VGLL4: variants seen among roughly 807,000 people sequenced by gnomAD.
VGLL4 encodes transcription cofactor vestigial-like protein 4.
VGLL4 carries 7 observed loss-of-function variants against 21.0 expected under a neutral mutation model. That is an observed-to-expected ratio of 0.33 (90% CI 0.19 to 0.63). VGLL4 has a LOEUF of 0.63. VGLL4 is among the 20% of genes least tolerant of loss of function. The pLI is 0.78. For missense variants in VGLL4, 394 were observed against 425.7 expected (o/e 0.93, Z 0.66); for synonymous variants, 222 against 173.2 (o/e 1.28, Z -2.21).
At chr3:11,617,297 G>A (rs1260573579) in intron 1 of VGLL4, among the ~76,000 whole-genome samples, 1 of 152,186 alleles carries the variant, frequency 6.6e-6, no homozygotes, top group African/African-American at 2.4e-5. Context: ...AGAACAACGG[G>A]TTTGTTTCCT....
At chr3:11,684,425 G>A (rs1450200982) in intron 2 of VGLL4, among the ~76,000 whole-genome samples, 2 of 151,810 alleles carry the variant, frequency 1.3e-5, no homozygotes, top group African/African-American at 4.8e-5. Flanking sequence ...TTGTCACCCA[G>A]GCTGGAATGC....
At chr3:11,563,403 G>C (rs776022339) in intron 3 of VGLL4, among the ~76,000 whole-genome samples, 19 of 152,254 alleles carry the variant, frequency 1.2e-4, no homozygotes, top group Non-Finnish European at 2.1e-4. Context: ...GGGGAGCAGT[G>C]AGCGGGTCCC....
chr3:11,707,677 G>A (rs1373802997), intron 1 of VGLL4, among the ~76,000 whole-genome samples: 2 of 152,004 alleles, frequency 1.3e-5, no homozygotes, highest in East Asian at 1.9e-4. Context: ...CAGAAATTTG[G>A]AAATTTACTC....
upstream of VGLL4, among the ~76,000 whole-genome samples, chr3:11,645,005 C>G (rs572488527): frequency 6.6e-6 from 1 of 151,186 alleles, no homozygotes; most frequent in African/African-American, 2.4e-5. Flanking sequence ...TGTATGTCAC[C>G]CACCTGTGTG....
chr3:11,700,053 C>A (rs770191527), intron 2 of VGLL4, among the ~76,000 whole-genome samples: 1 of 152,132 alleles, frequency 6.6e-6, no homozygotes, highest in African/African-American at 2.4e-5. Context: ...CTTGTCCCCA[C>A]TTCTATACAT....
chr3:11,699,234 T>C (rs557488305), intron 2 of VGLL4, among the ~76,000 whole-genome samples: 1 of 152,354 alleles, frequency 6.6e-6, no homozygotes, highest in Non-Finnish European at 1.5e-5. Flanking sequence ...TGTCTATAAA[T>C]TGTATGACTT....
At chr3:11,592,278 T>C (rs976745389) in intron 2 of VGLL4, among the ~76,000 whole-genome samples, 27 of 152,344 alleles carry the variant, frequency 1.8e-4, no homozygotes, top group African/African-American at 6.3e-4. Flanking sequence ...GGGCCACAGA[T>C]TTTAAACAAG....
chr3:11,668,952 T>C (rs1450679120), intron 2 of VGLL4, among the ~76,000 whole-genome samples: 1 of 152,168 alleles, frequency 6.6e-6, no homozygotes, highest in African/African-American at 2.4e-5. Flanking sequence ...TCAAACTCAA[T>C]ACCAACCAGG....
intron 2 of VGLL4, among the ~76,000 whole-genome samples, chr3:11,575,906 C>T (rs1159646035): frequency 6.6e-6 from 1 of 152,144 alleles, no homozygotes; most frequent in African/African-American, 2.4e-5. Context: ...TCTAGAGAGG[C>T]GGGACTCACG....
chr3:11,593,386 C>T (rs1021503928), intron 2 of VGLL4, among the ~76,000 whole-genome samples: 1 of 152,210 alleles, frequency 6.6e-6, no homozygotes. Flanking sequence ...GGAAAACCCC[C>T]AATCCCATTT....
At chr3:11,671,349 C>T (rs1559936179) in intron 2 of VGLL4, 1 of 1,234,804 alleles carries the variant, frequency 8.1e-7, no homozygotes, top group South Asian at 1.2e-5. Context: ...ATCAGTTCCG[C>T]AGCGAGGACT....
At chr3:11,621,465 G>A in intron 1 of VGLL4, among the ~76,000 whole-genome samples, 1 of 151,944 alleles carries the variant, frequency 6.6e-6, no homozygotes, top group Admixed American at 6.5e-5. Context: ...CACTCATAAT[G>A]TTTTAAAAGT....
At chr3:11,614,116 T>A (rs1438346507) in intron 1 of VGLL4, among the ~76,000 whole-genome samples, 1 of 152,172 alleles carries the variant, frequency 6.6e-6, no homozygotes, top group Non-Finnish European at 1.5e-5. Flanking sequence ...CCACACACAC[T>A]CTGGACTTAC....
At chr3:11,709,435 T>TCAAAAAAAAAAAAA (rs1228813940) in intron 1 of VGLL4, among the ~76,000 whole-genome samples, 3 of 108,858 alleles carry the variant, frequency 2.8e-5, no homozygotes, top group African/African-American at 1.0e-4. Context: ...AGACTCCGTC[T>TCAAAAAAAAAAAAA]AAAAAAAAAA....
At chr3:11,711,346 CGGCT>C in intron 1 of VGLL4, among the ~76,000 whole-genome samples, 1 of 151,808 alleles carries the variant, frequency 6.6e-6, no homozygotes, top group South Asian at 2.1e-4. Flanking sequence ...GAGACCATCC[CGGCT>C]AACATGGTGA....
At chr3:11,621,686 T>G (rs778731985) in intron 1 of VGLL4, among the ~76,000 whole-genome samples, 2 of 152,150 alleles carry the variant, frequency 1.3e-5, no homozygotes, top group African/African-American at 4.8e-5. Context: ...TACCTAGGAG[T>G]AGAATTGCTG....
intron 1 of VGLL4, among the ~76,000 whole-genome samples, chr3:11,628,256 T>C (rs2075396498): frequency 1.3e-5 from 2 of 151,756 alleles, no homozygotes; most frequent in South Asian, 4.2e-4. Context: ...AGCATGGTGG[T>C]GCATGCCTGT....
At chr3:11,702,238 T>A (rs757809469) in intron 2 of VGLL4, among the ~76,000 whole-genome samples, 1 of 152,136 alleles carries the variant, frequency 6.6e-6, no homozygotes, top group African/African-American at 2.4e-5. Flanking sequence ...AGTATCTTCA[T>A]TCCAGATCAC....
intron 1 of VGLL4, among the ~76,000 whole-genome samples, chr3:11,713,570 A>C (rs1198016133): frequency 2.3e-5 from 1 of 42,970 alleles, no homozygotes; most frequent in East Asian, 7.0e-4. Context: ...TATATTATTT[A>C]TATATATATA....
Sources: gnomAD v4.1 joint callset for allele counts (sites outside exome capture counted in the v4.1 genomes callset) on GRCh38, gnomAD v4.1.1 for gene constraint, MANE v1.5 for transcripts, NCBI Gene and HGNC (gene_info 2026-07-23, HGNC 2026-07-21) for gene names.